The following PTPRG variants were observed in gnomAD, a reference collection of about 807,000 sequenced individuals.
PTPRG encodes protein tyrosine phosphatase receptor type G, also known as receptor-type tyrosine-protein phosphatase gamma.
PTPRG carries 102 observed loss-of-function variants against 165.3 expected under a neutral mutation model. That is an observed-to-expected ratio of 0.62 (90% confidence interval 0.53 to 0.73). The LOEUF (loss-of-function observed/expected upper bound fraction) is 0.73. PTPRG is among the 30% of genes least tolerant of loss of function. The probability of loss-of-function intolerance (pLI) is 0.00; values close to 1 mark genes in which losing one functional copy is unlikely to be tolerated. For synonymous variants in PTPRG, 675 were observed against 669.5 expected (o/e 1.01, Z -0.13); for missense variants, 1,866 against 1,861.4 (o/e 1.00, Z -0.05).
chr3:61,997,074 A>T (rs1390758992), intron 3 of PTPRG, among the ~76,000 whole-genome samples: 1 of 152,204 alleles, frequency 6.6e-6, no homozygotes, highest in Non-Finnish European at 1.5e-5. Context: ...GTGTTAACTA[A>T]TCCACCTTGT....
At chr3:62,272,489 G>A (rs1022397986) in intron 21 of PTPRG, among the ~76,000 whole-genome samples, 2 of 151,946 alleles carry the variant, frequency 1.3e-5, no homozygotes, top group African/African-American at 2.4e-5. Flanking sequence ...AATACATGTC[G>A]CTTGTTCTGT....
intron 9 of PTPRG, among the ~76,000 whole-genome samples, chr3:62,194,479 C>T (rs1699911163): frequency 6.6e-6 from 1 of 152,156 alleles, no homozygotes; most frequent in Admixed American, 6.5e-5. Flanking sequence ...GCATCATGCC[C>T]CATACTCTGC....
intron 2 of PTPRG, among the ~76,000 whole-genome samples, chr3:61,930,224 G>A (rs2107581288): frequency 6.6e-6 from 1 of 152,250 alleles, no homozygotes; most frequent in South Asian, 2.1e-4. Flanking sequence ...TTTCAGCTGT[G>A]TGTGTTTTTA....
At position 62,269,131 on chromosome 3, in the gene PTPRG, G is replaced by A; in HGVS notation, c.2971G>A (p.Val991Ile). The A allele has an allele frequency of 6.3e-7, 1 of 1,596,974 alleles. No homozygotes were observed. The highest frequency in any genetic ancestry group is 8.6e-7 in the Non-Finnish European group (1 of 1,167,910). ...CACAAAAATACATGCCTGCTACACT[G>A]TTCGTCGTTTTTCAATCAGAAATAC... ...KSTKIHACYT[V>I]RRFSIRNTKV... Residue 991 changes from valine to isoleucine, a missense_variant, in exon 20 of 30, where the codon GTT becomes ATT. Transcript: ENST00000474889.
chr3:62,214,875 G>C lies in PTPRG; in HGVS notation c.2156-3976G>C, dbSNP rs753741398. On this transcript the variant is annotated intron_variant, in intron 12 of 29. Coordinates refer to ENST00000474889, the MANE Select transcript of PTPRG (RefSeq NM_002841.4). The surrounding 1 kb of genome is among the most constrained non-coding windows in gnomAD (Gnocchi z 5.2). The stretch of plus-strand genomic sequence containing the variant: ...GCCAGGATTTGAACCTATAATCTCT[G>C]CTCTGCCCTTAAGAGATAGTACAAA... Among the ~76,000 whole-genome samples, 1 of 152,206 alleles carries C rather than the reference G, an allele frequency of 6.6e-6. No individual in the cohort carries two copies. Among genetic ancestry groups the C allele is most frequent in the Non-Finnish European group, 1.5e-5 (1 of 68,040 alleles).
chr3:61,639,925 C>T (rs149771943), intron 1 of PTPRG, among the ~76,000 whole-genome samples: 1 of 152,238 alleles, frequency 6.6e-6, no homozygotes, highest in Non-Finnish European at 1.5e-5. Flanking sequence ...CTAGGACTTT[C>T]AGTACTATAT....
intron 4 of PTPRG, among the ~76,000 whole-genome samples, chr3:62,032,625 C>A (rs909346458): frequency 1.3e-5 from 2 of 151,970 alleles, no homozygotes; most frequent in Non-Finnish European, 2.9e-5. Context: ...AGGATTTACT[C>A]CTGAGTTATA....
At chr3:61,815,328 T>C (rs2035724240) in intron 2 of PTPRG, among the ~76,000 whole-genome samples, 1 of 151,872 alleles carries the variant, frequency 6.6e-6, no homozygotes, top group Non-Finnish European at 1.5e-5. Flanking sequence ...GAGAACCACT[T>C]CAGCCTGGGA....
chr3:61,572,957 G>C (rs1288876059), intron 1 of PTPRG, among the ~76,000 whole-genome samples: 1 of 152,196 alleles, frequency 6.6e-6, no homozygotes, highest in Non-Finnish European at 1.5e-5. Context: ...ATAACCATGT[G>C]CGTGGGCACA....
At chr3:61,602,660 C>T (rs1021104830) in intron 1 of PTPRG, among the ~76,000 whole-genome samples, 3 of 152,182 alleles carry the variant, frequency 2.0e-5, no homozygotes, top group Non-Finnish European at 2.9e-5. Flanking sequence ...ACCCCCTCTT[C>T]GGCACAGGGG....
intron 3 of PTPRG, among the ~76,000 whole-genome samples, chr3:61,994,960 T>A (rs2040984127): frequency 6.6e-6 from 1 of 152,076 alleles, no homozygotes; most frequent in Non-Finnish European, 1.5e-5. Context: ...GAGCCGCTTG[T>A]CTCTTCCAAG....
At chr3:61,995,381 C>T (rs142773401) in intron 3 of PTPRG, among the ~76,000 whole-genome samples, 147 of 152,184 alleles carry the variant, frequency 9.7e-4, no homozygotes, top group African/African-American at 3.2e-3. Flanking sequence ...TGAGCCACTG[C>T]GCCTGGCTCA....
chr3:61,672,397 G>A (rs1484484645), intron 1 of PTPRG, among the ~76,000 whole-genome samples: 1 of 138,084 alleles, frequency 7.2e-6, no homozygotes, highest in Admixed American at 7.2e-5. Flanking sequence ...GTAGCGAGCC[G>A]AGATCACGCC....
chr3:61,920,273 G>A (rs940616650), intron 2 of PTPRG, among the ~76,000 whole-genome samples: 8 of 152,222 alleles, frequency 5.3e-5, no homozygotes, highest in African/African-American at 1.9e-4. Context: ...TGGAGACCAT[G>A]TCTAGAAATG....
chr3:62,003,699 G>A (rs1033827105), intron 4 of PTPRG, among the ~76,000 whole-genome samples: 1 of 152,186 alleles, frequency 6.6e-6, no homozygotes, highest in Non-Finnish European at 1.5e-5. Context: ...AAACACAGAA[G>A]CCACAGGCAT....
intron 5 of PTPRG, among the ~76,000 whole-genome samples, chr3:62,114,250 G>C (rs556478338): frequency 6.6e-6 from 1 of 152,160 alleles, no homozygotes; most frequent in East Asian, 1.9e-4. Flanking sequence ...AGTGAGCCAA[G>C]ATCGCACCAC....
At chr3:61,684,882 A>T (rs879753281) in intron 1 of PTPRG, among the ~76,000 whole-genome samples, 43 of 152,132 alleles carry the variant, frequency 2.8e-4, no homozygotes, top group Non-Finnish European at 5.0e-4. Flanking sequence ...GGTGAAGATG[A>T]TCGTGATATC....
intron 8 of PTPRG, among the ~76,000 whole-genome samples, chr3:62,177,955 AC>A (rs1293247779): frequency 7.3e-6 from 1 of 136,904 alleles, no homozygotes; most frequent in Non-Finnish European, 1.5e-5. Flanking sequence ...GAGGGGTGAG[AC>A]TTTTCCTTTT....
chr3:61,918,907 G>A (rs1171131846), intron 2 of PTPRG, among the ~76,000 whole-genome samples: 1 of 152,142 alleles, frequency 6.6e-6, no homozygotes, highest in African/African-American at 2.4e-5. Flanking sequence ...GTGGGAGATC[G>A]TGGTTCTGTA....
Sources: gnomAD v4.1 joint callset for allele counts (sites outside exome capture counted in the v4.1 genomes callset) on GRCh38, gnomAD v4.1.1 for gene constraint, Gnocchi (gnomAD v3.1) non-coding constraint, MANE v1.5 for transcripts, NCBI Gene and HGNC (gene_info 2026-07-23, HGNC 2026-07-21) for gene names.